SLIT3: variants seen among roughly 807,000 people sequenced by gnomAD.
SLIT3 encodes the protein slit homolog 3 protein.
SLIT3 carries 68 observed loss-of-function variants against 184.0 expected under a neutral mutation model. That is an observed-to-expected ratio of 0.37 (90% CI 0.30 to 0.45). The LOEUF (loss-of-function observed/expected upper bound fraction) is 0.45. SLIT3 is among the 20% of genes least tolerant of loss of function. The probability of loss-of-function intolerance (pLI) is 1.00; values close to 1 mark genes in which losing one functional copy is unlikely to be tolerated. For synonymous variants in SLIT3, 831 were observed against 828.6 expected (o/e 1.00, Z -0.05); for missense variants, 1,707 against 2,026.0 (o/e 0.84, Z 3.02).
At chr5:169,125,438 G>T (rs532300206) in intron 4 of SLIT3, among the ~76,000 whole-genome samples, 2 of 152,244 alleles carry the variant, frequency 1.3e-5, no homozygotes, top group African/African-American at 4.8e-5. Flanking sequence ...ACCAAGTCTT[G>T]TAGTTAGGAT....
chr5:169,062,752 T>C (rs1284544694), intron 4 of SLIT3, among the ~76,000 whole-genome samples: 1 of 152,170 alleles, frequency 6.6e-6, no homozygotes, highest in East Asian at 1.9e-4. Flanking sequence ...TCTTTACCCA[T>C]GAGTCCCCCT....
chr5:168,754,698 T>C (rs1362747493), intron 16 of SLIT3, among the ~76,000 whole-genome samples: 1 of 152,210 alleles, frequency 6.6e-6, no homozygotes, highest in Non-Finnish European at 1.5e-5. Flanking sequence ...GTTTGATCAC[T>C]GTACATTGCA....
intron 20 of SLIT3, among the ~76,000 whole-genome samples, chr5:168,744,622 G>A (rs1763746205): frequency 6.6e-6 from 1 of 152,160 alleles, no homozygotes; most frequent in Non-Finnish European, 1.5e-5. Context: ...GAAAATCCTA[G>A]GGCTTTTATT....
At chr5:169,002,331 A>C (rs1755735918) in intron 4 of SLIT3, among the ~76,000 whole-genome samples, 2 of 129,156 alleles carry the variant, frequency 1.5e-5, no homozygotes, top group Admixed American at 7.8e-5. Flanking sequence ...TCAAAAAAAA[A>C]AAAAAAAAAA....
At chr5:168,787,193 T>C (rs1756185162) in intron 11 of SLIT3, among the ~76,000 whole-genome samples, 1 of 152,250 alleles carries the variant, frequency 6.6e-6, no homozygotes, top group African/African-American at 2.4e-5. Flanking sequence ...GTAATTCATA[T>C]TAATGCCCCA....
chr5:168,924,081 T>G (rs1012451172), intron 4 of SLIT3, among the ~76,000 whole-genome samples: 5 of 152,244 alleles, frequency 3.3e-5, no homozygotes, highest in Non-Finnish European at 5.9e-5. Flanking sequence ...GATAGAAGTC[T>G]GTACCCGGGT....
chr5:168,665,771 CCCTGAAGGGGGGTCTG>C lies in SLIT3; in HGVS notation c.*667_*682del, dbSNP rs1761014554. ...AGGGGTCCCCCAGTGGGTTCAGATACCCTGAAGGGGGGTCTGGGACAGACAGGGACAGCAATATTTT... is the reference window on the plus strand; with the variant it reads ...AGGGGTCCCCCAGTGGGTTCAGATACGGACAGACAGGGACAGCAATATTTT... On this transcript the variant is annotated 3_prime_UTR_variant, in exon 36 of 36. Coordinates refer to ENST00000519560, the MANE Select transcript of SLIT3 (RefSeq NM_003062.4). 1 of 152,428 alleles carries C rather than the reference CCCTGAAGGGGGGTCTG, an allele frequency of 6.6e-6. No individual in the cohort carries two copies. The highest frequency in any genetic ancestry group is 1.5e-5 in the Non-Finnish European group (1 of 68,290). 9.4% of individuals were successfully genotyped at this position (152,428 alleles called of 1,614,324 possible).
In SLIT3 at chr5:168,789,673, G is replaced by A. The variant is rs1361885854; in HGVS notation, c.1008-42C>T. Reference sequence around the variant, plus strand: ...TAAAGTCTGAGAACATGGCTCAAAGGTGCGATAACGGTCACTCCTAAGTGT... The same window carrying A: ...TAAAGTCTGAGAACATGGCTCAAAGATGCGATAACGGTCACTCCTAAGTGT... On this transcript the variant is annotated intron_variant, in intron 10 of 35. Transcript: ENST00000519560. 4 of 1,473,374 alleles carry A rather than the reference G, an allele frequency of 2.7e-6. No homozygotes were observed. The South Asian group carries it at 4.6e-5, about 17-fold the overall frequency. The allele number at this position is 1,473,374 out of a possible 1,614,324, so 91.3% of individuals were successfully genotyped here. A position where few individuals can be genotyped will look rare whatever the true frequency, so the allele number is the denominator to read the frequency against.
At chr5:168,696,725 C>T (rs1217572449) in intron 27 of SLIT3, among the ~76,000 whole-genome samples, 2 of 152,184 alleles carry the variant, frequency 1.3e-5, no homozygotes, top group African/African-American at 2.4e-5. Flanking sequence ...TGTCATCATT[C>T]CCCCAGCTGG....
chr5:168,930,146 A>C (rs1761942468), intron 4 of SLIT3, among the ~76,000 whole-genome samples: 1 of 152,104 alleles, frequency 6.6e-6, no homozygotes, highest in Admixed American at 6.6e-5. Context: ...GTGAAACAGC[A>C]CCTCGGGGAG....
intron 4 of SLIT3, among the ~76,000 whole-genome samples, chr5:169,017,104 T>C (rs1756412773): frequency 6.6e-6 from 1 of 152,258 alleles, no homozygotes; most frequent in South Asian, 2.1e-4. Context: ...GCACTTTGTG[T>C]GACTTGTCCT....
chr5:168,760,539 T>A (rs981268864), intron 16 of SLIT3, among the ~76,000 whole-genome samples: 2 of 152,164 alleles, frequency 1.3e-5, no homozygotes, highest in Admixed American at 6.5e-5. Flanking sequence ...CCATTGCTAG[T>A]CCTTACCTGA....
In SLIT3 at chr5:168,661,834, A is replaced by G. The variant is rs536247248; in HGVS notation, c.*4620T>C. ...GAATATGACAGTATATTGAAAAAAG[A>G]ATGCATGTTATTTATTCCATACTGG... On this transcript the variant is annotated 3_prime_UTR_variant, in exon 36 of 36. Coordinates refer to ENST00000519560, the MANE Select transcript of SLIT3 (RefSeq NM_003062.4). 1 of 152,354 alleles carries G rather than the reference A, an allele frequency of 6.6e-6. No homozygotes were observed. Among genetic ancestry groups the G allele is most frequent in the African/African-American group, 2.4e-5 (1 of 41,578 alleles). 9.4% of individuals were successfully genotyped at this position (152,354 alleles called of 1,614,324 possible).
rs901717048 is a variant in SLIT3, at chr5:168,775,475, G to A, written c.1152-1097C>T. ...CAAATGTCCGCTCCTCAGAGAGGCCGGCCCTGACCCCCTCATCTACAATGG... is the reference window on the plus strand; with the variant it reads ...CAAATGTCCGCTCCTCAGAGAGGCCAGCCCTGACCCCCTCATCTACAATGG... On this transcript the variant is annotated intron_variant, in intron 12 of 35. Transcript: ENST00000519560. Among the ~76,000 whole-genome samples, 43 of 151,920 alleles carry A rather than the reference G, an allele frequency of 2.8e-4. 1 individual carries two copies. The highest frequency in any genetic ancestry group is 2.4e-3 in the Admixed American group (36 of 15,258).
Position 168,764,627 on chromosome 5 carries a change from G to A in SLIT3, c.1460-1938C>T, listed in dbSNP as rs1230129698. ...GATTTCCTTGTGGTAATTCCTGATC[G>A]AGAATGAACTTGGTGGGTCTCTAAT... On this transcript the variant is annotated intron_variant, in intron 14 of 35. Transcript: ENST00000519560. 2.6e-5 allele frequency among the ~76,000 whole-genome samples: 4 copies of A among 152,070 alleles called. No individual in the cohort carries two copies. The South Asian group carries it at 6.2e-4, about 24-fold the overall frequency.
chr5:168,857,365 A>AGTTT (rs1758920610), intron 5 of SLIT3, among the ~76,000 whole-genome samples: 1 of 144,502 alleles, frequency 6.9e-6, no homozygotes, highest in Admixed American at 7.1e-5. Context: ...CCAGCAGTAG[A>AGTTT]GTTTTTGTTT....
In SLIT3 at chr5:168,710,875, G is replaced by T; in HGVS notation, c.2719+20C>A. 3 of 1,491,766 alleles carry T rather than the reference G, an allele frequency of 2.0e-6. No individual in the cohort carries two copies. The highest frequency in any genetic ancestry group is 5.0e-5 in the East Asian group (2 of 39,834). 92.4% of individuals were successfully genotyped at this position (1,491,766 alleles called of 1,614,324 possible). A position where few individuals can be genotyped will look rare whatever the true frequency, so the allele number is the denominator to read the frequency against. On this transcript the variant is annotated intron_variant, in intron 25 of 35. Transcript: ENST00000519560. ...GACCCCAAGAGGGGCAGGGGAGGGTGGGGTGTGGGCGTCACCTACCTTTGC... is the reference window on the plus strand; with the variant it reads ...GACCCCAAGAGGGGCAGGGGAGGGTTGGGTGTGGGCGTCACCTACCTTTGC...
In SLIT3 at chr5:168,684,115, G is replaced by C. The variant is rs752563910; in HGVS notation, c.3556-19C>G. On this transcript the variant is annotated intron_variant, in intron 31 of 35. Coordinates refer to ENST00000519560, the MANE Select transcript of SLIT3 (RefSeq NM_003062.4). Reference sequence around the variant, plus strand: ...TGGCCACCTGGAGAAAGCAGCCGGGGCGTGTTAGTAAGGGCTTACCTGAGA... The same window carrying C: ...TGGCCACCTGGAGAAAGCAGCCGGGCCGTGTTAGTAAGGGCTTACCTGAGA... The C allele has an allele frequency of 1.2e-5, 19 of 1,567,438 alleles. No homozygotes were observed. The highest frequency in any genetic ancestry group is 3.4e-4 in the Middle Eastern group (2 of 5,876).
chr5:168,734,420 G>A (rs1581018100), intron 20 of SLIT3, among the ~76,000 whole-genome samples: 2 of 152,098 alleles, frequency 1.3e-5, no homozygotes, highest in Admixed American at 1.3e-4. Flanking sequence ...CTCTGGTGGG[G>A]GGCAGGTGTT....
Sources: gnomAD v4.1 joint callset for allele counts (sites outside exome capture counted in the v4.1 genomes callset) on GRCh38, gnomAD v4.1.1 for gene constraint, MANE v1.5 for transcripts, NCBI Gene and HGNC (gene_info 2026-07-23, HGNC 2026-07-21) for gene names.